The following MBTD1 variants were observed in gnomAD, a reference collection of about 807,000 sequenced individuals.
MBTD1 encodes MBT domain-containing protein 1.
MBTD1 carries 24 observed loss-of-function variants against 87.8 expected under a neutral mutation model. The observed-to-expected ratio is 0.27, with a 90% CI of 0.20 to 0.38. The LOEUF (loss-of-function observed/expected upper bound fraction) is 0.38. MBTD1 is among the 10% of genes least tolerant of loss of function. The pLI, the probability that MBTD1 is intolerant of heterozygous loss-of-function variation, is 1.00. For synonymous variants in MBTD1, 237 were observed against 248.6 expected (o/e 0.95, Z 0.44); for missense variants, 436 against 760.2 (o/e 0.57, Z 5.02).
At chr17:51,234,806 G>C (rs575115564) in intron 2 of MBTD1, among the ~76,000 whole-genome samples, 1 of 152,298 alleles carries the variant, frequency 6.6e-6, no homozygotes, top group East Asian at 1.9e-4. Context: ...CAATTCTCCT[G>C]CCTCAGCCTC....
intron 2 of MBTD1, chr17:51,251,393 G>A (rs2054773554): frequency 6.6e-6 from 1 of 152,014 alleles, no homozygotes; most frequent in African/African-American, 2.4e-5. Flanking sequence ...TCCCTTATGA[G>A]GCAATGCTTA....
At chr17:51,194,536 T>A (rs1568156315) in intron 13 of MBTD1, among the ~76,000 whole-genome samples, 1 of 124,122 alleles carries the variant, frequency 8.1e-6, no homozygotes, top group African/African-American at 3.2e-5. Flanking sequence ...ACCCCTGCAT[T>A]CCAGCCTGGG....
chr17:51,260,437 T>C (rs147126486), upstream of MBTD1: 1,082 of 839,664 alleles, frequency 1.3e-3, 12 homozygotes, highest in African/African-American at 0.016. Flanking sequence ...GGGAGTTACG[T>C]AGAGGGAGGG....
intron 3 of MBTD1, among the ~76,000 whole-genome samples, chr17:51,221,660 C>T (rs1438252130): frequency 6.6e-6 from 1 of 152,140 alleles, no homozygotes; most frequent in Non-Finnish European, 1.5e-5. Context: ...TGCGTCTGTA[C>T]TGACCATACA....
chr17:51,206,219 ATATAAAATTATCAACAC>A (rs1293309943), intron 7 of MBTD1, among the ~76,000 whole-genome samples: 1 of 152,206 alleles, frequency 6.6e-6, no homozygotes, highest in African/African-American at 2.4e-5. Context: ...AACCCAAGAT[ATATAAAATTATCAACAC>A]TTGTATCAAT....
At chr17:51,209,285 C>A in intron 6 of MBTD1, 1 of 454,970 alleles carries the variant, frequency 2.2e-6, no homozygotes, top group Non-Finnish European at 4.6e-6. Context: ...ACTAGCAGAA[C>A]CATAATTTAC....
chr17:51,213,387 T>C (rs996968590), intron 6 of MBTD1, among the ~76,000 whole-genome samples: 1 of 152,198 alleles, frequency 6.6e-6, no homozygotes, highest in African/African-American at 2.4e-5. Context: ...AAGGCTCTGC[T>C]GGGTTAAAGT....
rs780064251 is a variant in MBTD1 at position 51,225,209 on chromosome 17, T to G, written c.-48A>C. 8.7e-6 allele frequency: 13 copies of G among 1,486,980 alleles called. No individual in the cohort carries two copies. The highest frequency in any genetic ancestry group is 1.8e-4 in the Middle Eastern group (1 of 5,706). The allele number at this position is 1,486,980 out of a possible 1,614,324, so 92.1% of individuals were successfully genotyped here. ...CTTTCAGATCGTGAAGAATGTTCAG[T>G]CTTTGAAGTAAGAGAAACCAGTGAC... On this transcript the variant is annotated splice_region_variant and 5_prime_UTR_variant, in exon 3 of 17. Transcript: ENST00000586178.
At chr17:51,239,067 T>C (rs181717463) in intron 2 of MBTD1, among the ~76,000 whole-genome samples, 27 of 150,100 alleles carry the variant, frequency 1.8e-4, no homozygotes, top group Non-Finnish European at 3.0e-4. Flanking sequence ...GCCACTGCAC[T>C]CCAGCTTGGG....
At chr17:51,207,488 A>T (rs1406600337) in intron 6 of MBTD1, among the ~76,000 whole-genome samples, 1 of 152,228 alleles carries the variant, frequency 6.6e-6, no homozygotes, top group Non-Finnish European at 1.5e-5. Context: ...CATAGATTAG[A>T]AATCTAGTCC....
At chr17:51,198,044 C>T (rs2051239934) in intron 12 of MBTD1, among the ~76,000 whole-genome samples, 1 of 152,204 alleles carries the variant, frequency 6.6e-6, no homozygotes, top group African/African-American at 2.4e-5. Flanking sequence ...GTTTGCCTCT[C>T]TTCCAGTGTC....
intron 2 of MBTD1, among the ~76,000 whole-genome samples, chr17:51,237,103 T>C (rs370082979): frequency 2.0e-5 from 3 of 151,788 alleles, no homozygotes; most frequent in South Asian, 4.1e-4. Context: ...TCAAGACCAG[T>C]CTGGCCAACA....
intron 6 of MBTD1, among the ~76,000 whole-genome samples, chr17:51,215,064 A>G (rs1290579920): frequency 1.3e-5 from 2 of 152,242 alleles, no homozygotes; most frequent in African/African-American, 4.8e-5. Flanking sequence ...GTACAAAAAC[A>G]TACCAAGGAA....
At chr17:51,228,738 C>CA (rs1020048711) in intron 2 of MBTD1, among the ~76,000 whole-genome samples, 13 of 149,986 alleles carry the variant, frequency 8.7e-5, no homozygotes, top group Non-Finnish European at 1.6e-4. Context: ...ACTAAAAATA[C>CA]AAAAAAAAAT....
chr17:51,226,707 C>T (rs1043625538), intron 2 of MBTD1, among the ~76,000 whole-genome samples: 1 of 151,178 alleles, frequency 6.6e-6, no homozygotes, highest in Non-Finnish European at 1.5e-5. Context: ...TCTCAGCTCA[C>T]TGCAATCTCC....
chr17:51,235,678 G>A (rs896668793), intron 2 of MBTD1, among the ~76,000 whole-genome samples: 9 of 152,146 alleles, frequency 5.9e-5, no homozygotes, highest in Admixed American at 6.6e-5. Context: ...AAACTAGGAA[G>A]ACGTACTATG....
intron 2 of MBTD1, among the ~76,000 whole-genome samples, chr17:51,242,754 A>T (rs928640066): frequency 6.6e-6 from 1 of 152,190 alleles, no homozygotes; most frequent in Non-Finnish European, 1.5e-5. Context: ...TTTCCGGTTC[A>T]TTCTTCCTGT....
chr17:51,198,056 C>CT (rs1428373179), intron 12 of MBTD1, among the ~76,000 whole-genome samples: 1 of 152,174 alleles, frequency 6.6e-6, no homozygotes, highest in Non-Finnish European at 1.5e-5. Flanking sequence ...TCCAGTGTCT[C>CT]GGTCCAGCAT....
At chr17:51,236,072 CAT>C (rs1261976128) in intron 2 of MBTD1, among the ~76,000 whole-genome samples, 1 of 151,820 alleles carries the variant, frequency 6.6e-6, no homozygotes, top group Non-Finnish European at 1.5e-5. Flanking sequence ...TCTATAGATA[CAT>C]ATAGAGTGTA....
Sources: gnomAD v4.1 joint callset for allele counts (sites outside exome capture counted in the v4.1 genomes callset) on GRCh38, gnomAD v4.1.1 for gene constraint, MANE v1.5 for transcripts, NCBI Gene and HGNC (gene_info 2026-07-23, HGNC 2026-07-21) for gene names.